Variants in NGEF observed in about 807,000 individuals in gnomAD.
NGEF encodes the protein ephexin-1.
NGEF carries 31 observed loss-of-function variants against 80.9 expected under a neutral mutation model. The ratio of observed to expected loss-of-function variants is 0.38; its 90% CI spans 0.29 to 0.52. The LOEUF (loss-of-function observed/expected upper bound fraction) is 0.52, where lower values mean the gene tolerates loss of function less well. Ranked by LOEUF, NGEF falls within the 20% of genes least tolerant of loss-of-function variation. NGEF has a pLI of 0.84. For missense variants in NGEF, 709 were observed against 926.2 expected, an observed-to-expected ratio of 0.77 and a Z score of 3.04; for synonymous variants, 371 against 370.2, an observed-to-expected ratio of 1.00 and a Z score of -0.03.
intron 3 of NGEF, among the ~76,000 whole-genome samples, chr2:232,956,981 A>C (rs545375389): frequency 6.6e-6 from 1 of 152,080 alleles, no homozygotes; most frequent in Non-Finnish European, 1.5e-5. Context: ...AAGGGGGAAA[A>C]AAGATTTGGC....
intron 3 of NGEF, among the ~76,000 whole-genome samples, chr2:232,932,159 C>CT (rs1387986980): frequency 3.3e-5 from 3 of 91,844 alleles, no homozygotes; most frequent in Non-Finnish European, 6.7e-5. Context: ...CCAGAATCAC[C>CT]TTTCTTTTTT....
At chr2:232,994,778 C>T (rs936908116) in intron 1 of NGEF, among the ~76,000 whole-genome samples, 4 of 152,034 alleles carry the variant, frequency 2.6e-5, no homozygotes, top group Non-Finnish European at 5.9e-5. Flanking sequence ...ACTGCTGGCA[C>T]TCAGTATGTG....
In NGEF at chr2:232,959,329, C is replaced by T. The variant is rs201269211; in HGVS notation, c.383+10885G>A. ...TGCAGGCTTGATTAGAGTCGGGCCA[C>T]GTTTCTTCAGTTCCTGTTTTACCCA... On this transcript the variant is annotated intron_variant, in intron 3 of 14. Coordinates refer to ENST00000264051, the MANE Select transcript of NGEF (RefSeq NM_019850.3). Among the ~76,000 whole-genome samples, 15 of 152,254 alleles carry T rather than the reference C, an allele frequency of 9.9e-5. No homozygotes were observed. In the East Asian group the frequency reaches 1.9e-3, roughly 20 times the overall value.
At chr2:232,991,311 C>T (rs1337011521) in intron 1 of NGEF, among the ~76,000 whole-genome samples, 1 of 151,050 alleles carries the variant, frequency 6.6e-6, no homozygotes. Flanking sequence ...ATAACATAAT[C>T]TTGTATATAG....
intron 1 of NGEF, among the ~76,000 whole-genome samples, chr2:232,988,001 G>A (rs1205017065): frequency 2.6e-5 from 4 of 151,634 alleles, no homozygotes; most frequent in African/African-American, 9.7e-5. Context: ...CAGGGCCAGA[G>A]GGAGATGTGG....
intron 3 of NGEF, among the ~76,000 whole-genome samples, chr2:232,967,780 C>G (rs1299054625): frequency 6.6e-6 from 1 of 151,736 alleles, no homozygotes; most frequent in Non-Finnish European, 1.5e-5. Flanking sequence ...GAAGTGTTGC[C>G]TCCCCACCTT....
At chr2:232,936,890 C>T (rs531529693) in intron 3 of NGEF, among the ~76,000 whole-genome samples, 22 of 152,308 alleles carry the variant, frequency 1.4e-4, no homozygotes, top group Admixed American at 2.6e-4. Flanking sequence ...CCAAACTCTG[C>T]CGTTCATGTC....
At position 232,966,631 on chromosome 2, in the gene NGEF, C is replaced by T. The variant is rs539476783; in HGVS notation, c.383+3583G>A. On this transcript the variant is annotated intron_variant, in intron 3 of 14. Transcript: ENST00000264051. ...ACCCTGACAACTCCCCCAAACAAAACCCAGTAGCCAGCCCCGTCACTCCCC... is the reference window on the plus strand; with the variant it reads ...ACCCTGACAACTCCCCCAAACAAAATCCAGTAGCCAGCCCCGTCACTCCCC... Among the ~76,000 whole-genome samples the T allele has an allele frequency of 6.6e-5, 10 of 152,076 alleles. No individual in the cohort carries two copies. In the South Asian group the frequency reaches 1.5e-3, roughly 22 times the overall value.
Position 232,894,958 on chromosome 2 carries a change from T to G in NGEF, c.829-42A>C, listed in dbSNP as rs746743567. ...CCATGGTTACCGCCTGAAGTTGGCC[T>G]TCCACGAAGGCGCTAGCCTTGGCTG... On this transcript the variant is annotated intron_variant, in intron 5 of 14. Coordinates refer to ENST00000264051, the MANE Select transcript of NGEF (RefSeq NM_019850.3). 18 of 1,523,636 alleles carry G rather than the reference T, an allele frequency of 1.2e-5. No individual in the cohort carries two copies. In the South Asian group the frequency reaches 1.5e-4, roughly 13 times the overall value. The allele number at this position is 1,523,636 out of a possible 1,614,324, so 94.4% of individuals were successfully genotyped here.
intron 1 of NGEF, among the ~76,000 whole-genome samples, chr2:232,987,293 C>T (rs1484574845): frequency 6.6e-6 from 1 of 152,174 alleles, no homozygotes; most frequent in Non-Finnish European, 1.5e-5. Flanking sequence ...GCTGAGATTA[C>T]AGGCATTAGA....
chr2:232,995,125 GTA>G (rs1212955954), intron 1 of NGEF, among the ~76,000 whole-genome samples: 1 of 6,646 alleles, frequency 1.5e-4, no homozygotes, highest in Non-Finnish European at 3.4e-4. Context: ...TGTACAGTAT[GTA>G]TATATGTACA....
chr2:232,909,253 G>A (rs1692642456), intron 5 of NGEF, among the ~76,000 whole-genome samples: 1 of 152,114 alleles, frequency 6.6e-6, no homozygotes, highest in Non-Finnish European at 1.5e-5. Context: ...GATGGTAATA[G>A]TGTACTCCTT....
chr2:232,958,069 G>A (rs1029772348), intron 3 of NGEF, among the ~76,000 whole-genome samples: 2 of 152,184 alleles, frequency 1.3e-5, no homozygotes, highest in South Asian at 2.1e-4. Flanking sequence ...AGATCCTTCC[G>A]ATGCTCTAGT....
intron 5 of NGEF, among the ~76,000 whole-genome samples, chr2:232,896,810 G>GGGTGAA (rs1692099959): frequency 9.0e-6 from 1 of 111,254 alleles, no homozygotes; most frequent in Non-Finnish European, 1.8e-5. Context: ...GTAGGGGTGA[G>GGGTGAA]GGTAGGGGTA....
chr2:232,911,308 A>G (rs1015235168), intron 5 of NGEF, among the ~76,000 whole-genome samples: 1 of 152,100 alleles, frequency 6.6e-6, no homozygotes, highest in Admixed American at 6.5e-5. Context: ...CCAAATATCA[A>G]TCAACCATAC....
chr2:232,905,472 C>T (rs1692480489), intron 5 of NGEF, among the ~76,000 whole-genome samples: 2 of 152,240 alleles, frequency 1.3e-5, no homozygotes, highest in Non-Finnish European at 2.9e-5. Flanking sequence ...CTCCCAGCCG[C>T]CTGTCTTGGC....
chr2:232,885,095 G>A (rs948631824), intron 10 of NGEF, 185 bp downstream of exon 10: 2 of 598,510 alleles, frequency 3.3e-6, no homozygotes, highest in African/African-American at 3.7e-5. Flanking sequence ...CACCGTGGTG[G>A]TGTCTGACGC....
chr2:232,925,002 G>A (rs1177017426), intron 4 of NGEF, among the ~76,000 whole-genome samples: 6 of 152,026 alleles, frequency 3.9e-5, no homozygotes, highest in South Asian at 2.1e-4. Flanking sequence ...TTTACCTGAC[G>A]AACTATATTA....
intron 1 of NGEF, among the ~76,000 whole-genome samples, chr2:232,997,678 C>G (rs1694882781): frequency 6.6e-6 from 1 of 152,178 alleles, no homozygotes; most frequent in African/African-American, 2.4e-5. Flanking sequence ...AGGCAAGGCT[C>G]TGGCGACCTG....
Sources: allele counts gnomAD v4.1 joint callset (sites outside exome capture counted in the v4.1 genomes callset), GRCh38; gene constraint gnomAD v4.1.1; transcripts MANE v1.5; gene names NCBI Gene and HGNC (gene_info 2026-07-23, HGNC 2026-07-21).